Variants in KCNQ5 observed in about 807,000 individuals in gnomAD.
KCNQ5 encodes potassium voltage-gated channel subfamily KQT member 5.
KCNQ5 carries 30 observed loss-of-function variants against 98.2 expected under a neutral mutation model. The observed-to-expected ratio is 0.31, with a 90% CI of 0.23 to 0.41. KCNQ5 has a LOEUF of 0.41. Among genes scored for constraint, KCNQ5 ranks in the 10% least tolerant of loss-of-function variants. The pLI, the probability that KCNQ5 is intolerant of heterozygous loss-of-function variation, is 1.00. For missense variants in KCNQ5, 835 were observed against 1,182.5 expected, an observed-to-expected ratio of 0.71 and a Z score of 4.31; for synonymous variants, 458 against 449.4, an observed-to-expected ratio of 1.02 and a Z score of -0.24.
At chr6:72,851,868 A>G (rs559100032) in intron 1 of KCNQ5, among the ~76,000 whole-genome samples, 2 of 152,224 alleles carry the variant, frequency 1.3e-5, no homozygotes, top group South Asian at 2.1e-4. Context: ...CAAGATTTTT[A>G]TATGTAGATA....
intron 3 of KCNQ5, among the ~76,000 whole-genome samples, chr6:73,072,292 TA>T (rs1773330911): frequency 6.6e-6 from 1 of 152,238 alleles, no homozygotes; most frequent in Non-Finnish European, 1.5e-5. Context: ...TTATAACTAC[TA>T]GTTTGAAAGT....
At chr6:73,185,339 G>A (rs753777169) in intron 11 of KCNQ5, among the ~76,000 whole-genome samples, 1 of 152,018 alleles carries the variant, frequency 6.6e-6, no homozygotes, top group Non-Finnish European at 1.5e-5. Flanking sequence ...GTGCCATCAT[G>A]CATGGTTAAT....
At chr6:72,708,485 A>G (rs1461747859) in intron 1 of KCNQ5, among the ~76,000 whole-genome samples, 1 of 152,228 alleles carries the variant, frequency 6.6e-6, no homozygotes, top group African/African-American at 2.4e-5. Context: ...AAAGAGAAGA[A>G]AAAGCTACAT....
chr6:72,825,812 A>G (rs1402970689), intron 1 of KCNQ5, among the ~76,000 whole-genome samples: 1 of 152,182 alleles, frequency 6.6e-6, no homozygotes, highest in Non-Finnish European at 1.5e-5. Context: ...AAATGAATGA[A>G]TGATGAATGA....
chr6:72,659,327 A>C lies in KCNQ5; in HGVS notation c.398+36740A>C, dbSNP rs181876493. On this transcript the variant is annotated intron_variant, in intron 1 of 13. Coordinates refer to ENST00000370398, the MANE Select transcript of KCNQ5 (RefSeq NM_019842.4). ...AACTTGCTCCTGTATAATCATCCTC[A>C]TCTATGTATCTTGCCACACCCAACT... Among the ~76,000 whole-genome samples the C allele has an allele frequency of 2.6e-3, 397 of 152,220 alleles. 1 individual carries two copies. Among genetic ancestry groups the C allele is most frequent in the Middle Eastern group, 0.017 (5 of 294 alleles).
chr6:72,779,391 T>A (rs1439474497), intron 1 of KCNQ5, among the ~76,000 whole-genome samples: 1 of 152,068 alleles, frequency 6.6e-6, no homozygotes, highest in Non-Finnish European at 1.5e-5. Context: ...TGTAGACAAG[T>A]TTGTGAGAAT....
intron 1 of KCNQ5, among the ~76,000 whole-genome samples, chr6:72,804,534 A>G (rs1455785239): frequency 6.6e-6 from 1 of 151,996 alleles, no homozygotes; most frequent in East Asian, 1.9e-4. Context: ...GTAGTACTCT[A>G]TAGTGTGCCA....
At chr6:72,937,769 AT>A (rs927082977) in intron 1 of KCNQ5, among the ~76,000 whole-genome samples, 133 of 152,136 alleles carry the variant, frequency 8.7e-4, no homozygotes, top group Middle Eastern at 3.4e-3. Flanking sequence ...TTAAAGTAAA[AT>A]TTTTTTTATT....
intron 1 of KCNQ5, among the ~76,000 whole-genome samples, chr6:72,956,808 G>A (rs566288969): frequency 3.9e-5 from 6 of 152,146 alleles, no homozygotes; most frequent in Admixed American, 1.3e-4. Context: ...AAGGTAAGCT[G>A]AACTCCTGAA....
At chr6:72,727,574 C>T (rs1161624209) in intron 1 of KCNQ5, among the ~76,000 whole-genome samples, 1 of 151,996 alleles carries the variant, frequency 6.6e-6, no homozygotes, top group Non-Finnish European at 1.5e-5. Context: ...CAATGATTGC[C>T]TCTAAAATAA....
chr6:73,049,566 A>T (rs1482993936), intron 3 of KCNQ5, among the ~76,000 whole-genome samples: 1 of 152,204 alleles, frequency 6.6e-6, no homozygotes, highest in Non-Finnish European at 1.5e-5. Flanking sequence ...AAATTTAATT[A>T]TAGTATAATC....
intron 1 of KCNQ5, among the ~76,000 whole-genome samples, chr6:72,875,775 T>C (rs959279509): frequency 1.3e-5 from 2 of 152,104 alleles, no homozygotes; most frequent in Non-Finnish European, 2.9e-5. Context: ...ATTTAACATA[T>C]AATGAATAAT....
At chr6:72,630,487 G>A (rs2098920211) in intron 1 of KCNQ5, 1 of 152,172 alleles carries the variant, frequency 6.6e-6, no homozygotes, top group Admixed American at 6.5e-5. Flanking sequence ...TGTGCTAGAT[G>A]CTGGTGGTTC....
chr6:72,728,094 A>T (rs1770380038), intron 1 of KCNQ5, among the ~76,000 whole-genome samples: 1 of 152,206 alleles, frequency 6.6e-6, no homozygotes, highest in Non-Finnish European at 1.5e-5. Flanking sequence ...ACAGTGAGGA[A>T]GGAAAATATC....
At chr6:72,883,798 A>G (rs1778746361) in intron 1 of KCNQ5, among the ~76,000 whole-genome samples, 1 of 152,176 alleles carries the variant, frequency 6.6e-6, no homozygotes, top group African/African-American at 2.4e-5. Context: ...CACAAAATAT[A>G]AGGAAATAGA....
chr6:73,179,044 T>A (rs1054451471), intron 11 of KCNQ5, among the ~76,000 whole-genome samples: 1 of 152,192 alleles, frequency 6.6e-6, no homozygotes, highest in Admixed American at 6.5e-5. Context: ...ACCTGAAGGA[T>A]GAGCCTTGGG....
chr6:72,951,976 T>C (rs1326749719), intron 1 of KCNQ5, among the ~76,000 whole-genome samples: 2 of 152,222 alleles, frequency 1.3e-5, no homozygotes, highest in Non-Finnish European at 2.9e-5. Flanking sequence ...TTAGTTTGGC[T>C]TCTACAACTC....
chr6:72,998,222 G>A (rs1002713587), intron 1 of KCNQ5, among the ~76,000 whole-genome samples: 13 of 152,144 alleles, frequency 8.5e-5, no homozygotes, highest in African/African-American at 2.9e-4. Context: ...ATGTCAGCAG[G>A]CATACTCCAG....
intron 2 of KCNQ5, among the ~76,000 whole-genome samples, chr6:73,039,156 T>C (rs1248780855): frequency 6.6e-6 from 1 of 152,158 alleles, no homozygotes; most frequent in Non-Finnish European, 1.5e-5. Flanking sequence ...CCTTCATTTT[T>C]TCAGTGGCGT....
Sources: allele counts gnomAD v4.1 joint callset (sites outside exome capture counted in the v4.1 genomes callset), GRCh38; gene constraint gnomAD v4.1.1; transcripts MANE v1.5; gene names NCBI Gene and HGNC (gene_info 2026-07-23, HGNC 2026-07-21).